Variants in STXBP6 observed in about 807,000 individuals in gnomAD.
STXBP6 encodes syntaxin-binding protein 6.
A neutral mutation model predicts 26.9 loss-of-function variants in STXBP6; 21 were observed. The ratio of observed to expected loss-of-function variants is 0.78; its 90% CI spans 0.55 to 1.12. The LOEUF (loss-of-function observed/expected upper bound fraction) is 1.12. Ranked by LOEUF, STXBP6 falls within the 50% of genes most tolerant of loss-of-function variation. STXBP6 has a pLI of 0.00. For synonymous variants in STXBP6, 97 were observed against 92.6 expected (o/e 1.05, Z -0.27); for missense variants, 232 against 257.9 (o/e 0.90, Z 0.69).
Position 24,911,152 on chromosome 14 carries a change from T to C in STXBP6, c.155-53995A>G, listed in dbSNP as rs552830408. On this transcript the variant is annotated intron_variant, in intron 2 of 5. Transcript: ENST00000323944. ...CCAACCTGGGCAACATAGTGAGACT[T>C]TGTCTCTACAAAAACAAACAAAAAA... 7.9e-5 allele frequency among the ~76,000 whole-genome samples: 12 copies of C among 151,972 alleles called. No homozygotes were observed. In the East Asian group the frequency reaches 1.6e-3, roughly 20 times the overall value.
intron 4 of STXBP6, among the ~76,000 whole-genome samples, chr14:24,836,474 T>C (rs763469417): frequency 6.5e-4 from 99 of 151,602 alleles, no homozygotes; most frequent in Non-Finnish European, 9.4e-4. Context: ...GGCGGGTGCC[T>C]GTAATCCCAG....
At chr14:25,002,074 AG>A in intron 1 of STXBP6, among the ~76,000 whole-genome samples, 1 of 152,338 alleles carries the variant, frequency 6.6e-6, no homozygotes, top group East Asian at 1.9e-4. Flanking sequence ...AAGGTTAGAA[AG>A]GGCATCAATT....
At chr14:24,950,005 C>T (rs1329090972) in intron 2 of STXBP6, among the ~76,000 whole-genome samples, 1 of 152,152 alleles carries the variant, frequency 6.6e-6, no homozygotes, top group Non-Finnish European at 1.5e-5. Context: ...CACTCTGAAC[C>T]CATTCTGGTT....
At chr14:24,967,241 G>A (rs150099200) in intron 2 of STXBP6, among the ~76,000 whole-genome samples, 2 of 152,302 alleles carry the variant, frequency 1.3e-5, no homozygotes, top group East Asian at 3.9e-4. Context: ...TGTGGAAAGG[G>A]TACAGAATAT....
intron 2 of STXBP6, among the ~76,000 whole-genome samples, chr14:24,963,418 G>A (rs1016296648): frequency 2.0e-5 from 3 of 152,162 alleles, no homozygotes; most frequent in African/African-American, 7.2e-5. Flanking sequence ...TTGTTAAACT[G>A]ATAAAAACGT....
At chr14:24,930,529 C>T (rs1428747077) in intron 2 of STXBP6, among the ~76,000 whole-genome samples, 5 of 152,054 alleles carry the variant, frequency 3.3e-5, no homozygotes, top group Non-Finnish European at 7.4e-5. Context: ...TTTATTATTC[C>T]GGTGATGACA....
intron 4 of STXBP6, among the ~76,000 whole-genome samples, chr14:24,853,236 G>C (rs867365286): frequency 9.2e-5 from 14 of 152,082 alleles, no homozygotes; most frequent in African/African-American, 3.1e-4. Context: ...AAAAGTTAAA[G>C]AGGTCAGAAT....
chr14:24,970,783 TTGTTTACTA>T (rs1308637191), intron 2 of STXBP6, among the ~76,000 whole-genome samples: 1 of 152,196 alleles, frequency 6.6e-6, no homozygotes, highest in East Asian at 1.9e-4. Flanking sequence ...AACTGCCAAG[TTGTTTACTA>T]AAGCAGTCAT....
chr14:25,006,512 G>A (rs1025079751), intron 1 of STXBP6, among the ~76,000 whole-genome samples: 9 of 152,172 alleles, frequency 5.9e-5, no homozygotes, highest in African/African-American at 1.7e-4. Context: ...CATAAACATG[G>A]TTGATGCTTT....
chr14:24,821,097 A>G (rs949283753), intron 4 of STXBP6, among the ~76,000 whole-genome samples: 1 of 152,202 alleles, frequency 6.6e-6, no homozygotes, highest in Non-Finnish European at 1.5e-5. Context: ...GAACAGGAAG[A>G]TGGGGAAGGG....
intron 1 of STXBP6, among the ~76,000 whole-genome samples, chr14:24,981,150 T>C (rs1042851470): frequency 1.3e-5 from 2 of 152,246 alleles, no homozygotes; most frequent in African/African-American, 4.8e-5. Flanking sequence ...GAAGTTTACA[T>C]AGCACTTCAT....
At chr14:24,978,780 G>C (rs1010775413) in intron 1 of STXBP6, among the ~76,000 whole-genome samples, 4 of 152,170 alleles carry the variant, frequency 2.6e-5, no homozygotes, top group African/African-American at 7.2e-5. Context: ...GTTAATGCAT[G>C]GCTACTGTAG....
chr14:24,848,079 T>C (rs1300214503), intron 4 of STXBP6, among the ~76,000 whole-genome samples: 1 of 152,182 alleles, frequency 6.6e-6, no homozygotes, highest in African/African-American at 2.4e-5. Context: ...CTTGCTTCTT[T>C]CAGAAGAAAA....
intron 1 of STXBP6, among the ~76,000 whole-genome samples, chr14:24,978,306 C>T (rs2074102321): frequency 6.6e-6 from 1 of 152,142 alleles, no homozygotes; most frequent in African/African-American, 2.4e-5. Context: ...GTCATTCTGC[C>T]ACCTAATTTA....
intron 1 of STXBP6, among the ~76,000 whole-genome samples, chr14:25,027,960 A>G (rs772692073): frequency 2.0e-5 from 3 of 152,238 alleles, no homozygotes; most frequent in East Asian, 1.9e-4. Context: ...ACTCTCTTCA[A>G]TTCTACGAAG....
intron 2 of STXBP6, among the ~76,000 whole-genome samples, chr14:24,913,733 TA>T (rs1336225197): frequency 2.0e-5 from 3 of 152,222 alleles, no homozygotes; most frequent in Non-Finnish European, 4.4e-5. Flanking sequence ...AGACACTAAT[TA>T]AAAACAATGA....
At chr14:24,866,920 A>G (rs1477297035) in intron 2 of STXBP6, among the ~76,000 whole-genome samples, 2 of 152,088 alleles carry the variant, frequency 1.3e-5, no homozygotes, top group African/African-American at 4.8e-5. Flanking sequence ...TTAAAAACTC[A>G]TATGGAAGTT....
At chr14:24,842,689 G>A (rs559194436) in intron 4 of STXBP6, among the ~76,000 whole-genome samples, 4 of 151,494 alleles carry the variant, frequency 2.6e-5, no homozygotes, top group Admixed American at 2.6e-4. Context: ...GCAAACAAAG[G>A]AAAAGATGAT....
intron 2 of STXBP6, among the ~76,000 whole-genome samples, chr14:24,929,341 T>A (rs1235293835): frequency 6.6e-6 from 1 of 152,226 alleles, no homozygotes; most frequent in African/African-American, 2.4e-5. Flanking sequence ...GCTGAAGCTG[T>A]TTCCCCCATA....
Sources: gnomAD v4.1 joint callset for allele counts (sites outside exome capture counted in the v4.1 genomes callset) on GRCh38, gnomAD v4.1.1 for gene constraint, MANE v1.5 for transcripts, NCBI Gene and HGNC (gene_info 2026-07-23, HGNC 2026-07-21) for gene names.